MTX2: variants seen among roughly 807,000 people sequenced by gnomAD.
MTX2 encodes metaxin 2.
MTX2 carries 35 observed loss-of-function variants against 42.3 expected under a neutral mutation model. The observed-to-expected ratio is 0.83, with a 90% CI of 0.63 to 1.10. The LOEUF (loss-of-function observed/expected upper bound fraction) is 1.10, where lower values mean the gene tolerates loss of function less well. Among genes scored for constraint, MTX2 ranks in the 50% least tolerant of loss-of-function variants. The probability of loss-of-function intolerance (pLI) is 0.00; values close to 1 mark genes in which losing one functional copy is unlikely to be tolerated. For synonymous variants in MTX2, 119 were observed against 100.9 expected (o/e 1.18, Z -1.08); for missense variants, 307 against 304.1 (o/e 1.01, Z -0.07).
At chr2:176,329,975 G>A (rs1018187587) in intron 8 of MTX2, among the ~76,000 whole-genome samples, 4 of 150,590 alleles carry the variant, frequency 2.7e-5, no homozygotes, top group African/African-American at 9.7e-5. Context: ...TACTTATCTT[G>A]TCCACAAGCA....
chr2:176,309,249 C>T (rs1386400021), intron 3 of MTX2, among the ~76,000 whole-genome samples: 1 of 152,296 alleles, frequency 6.6e-6, no homozygotes. Flanking sequence ...GCACTGTGGT[C>T]TGAGAGACAG....
At chr2:176,303,995 A>G (rs1347407388) in intron 3 of MTX2, among the ~76,000 whole-genome samples, 1 of 152,048 alleles carries the variant, frequency 6.6e-6, no homozygotes, top group Admixed American at 6.6e-5. Flanking sequence ...CCATAAAGAT[A>G]CAGTAGTAAG....
chr2:176,329,788 G>A (rs1389059601), intron 8 of MTX2, among the ~76,000 whole-genome samples: 1 of 133,006 alleles, frequency 7.5e-6, no homozygotes. Flanking sequence ...TTTTTTAATT[G>A]AACAATACAT....
In MTX2 at chr2:176,292,675, A is replaced by G. The variant is rs544186346; in HGVS notation, c.41-4185A>G. 8.5e-5 allele frequency among the ~76,000 whole-genome samples: 13 copies of G among 152,316 alleles called. No homozygotes were observed. The South Asian group carries it at 2.1e-3, about 24-fold the overall frequency. On this transcript the variant is annotated intron_variant, in intron 1 of 9. Coordinates refer to ENST00000249442, the MANE Select transcript of MTX2 (RefSeq NM_006554.5). ...ACCTGCGTGATTGATTTGTAGATCC[A>G]TTGCCCAGTTTAGGATTTTCACTTT...
In MTX2 at chr2:176,316,127, A is replaced by G. The variant is rs142916404; in HGVS notation, c.136-7265A>G. 2.6e-3 allele frequency among the ~76,000 whole-genome samples: 393 copies of G among 152,240 alleles called. 3 individuals are homozygous for G. The highest frequency in any genetic ancestry group is 8.7e-3 in the African/African-American group (361 of 41,540). On this transcript the variant is annotated intron_variant, in intron 3 of 9. Coordinates refer to ENST00000249442, the MANE Select transcript of MTX2 (RefSeq NM_006554.5). ...GTTGAATTTATTTTTGTAGGTCCTC[A>G]AAGTTATGTCTTTCTGGCAAGTTAG...
chr2:176,315,546 CTG>C (rs1684414950), intron 3 of MTX2, among the ~76,000 whole-genome samples: 1 of 152,156 alleles, frequency 6.6e-6, no homozygotes, highest in Non-Finnish European at 1.5e-5. Flanking sequence ...AGTCTAATCT[CTG>C]TGTAGTTGTT....
chr2:176,288,714 ACTG>A (rs1693262406), intron 1 of MTX2, among the ~76,000 whole-genome samples: 1 of 151,708 alleles, frequency 6.6e-6, no homozygotes, highest in Non-Finnish European at 1.5e-5. Context: ...ATATGACAGA[ACTG>A]AAGCAGCATG....
chr2:176,330,524 A>G, intron 8 of MTX2, 60 bp from the exon 9 acceptor site: 1 of 1,222,198 alleles, frequency 8.2e-7, no homozygotes, highest in South Asian at 1.7e-5. Context: ...TACGTTTTAG[A>G]TACTTTTTAT....
chr2:176,324,909 A>G (rs1414667078), intron 4 of MTX2, among the ~76,000 whole-genome samples: 1 of 151,684 alleles, frequency 6.6e-6, no homozygotes, highest in Non-Finnish European at 1.5e-5. Context: ...TTGAGGTGAT[A>G]GGGAAATGTT....
At chr2:176,317,051 AC>A (rs869042309) in intron 3 of MTX2, among the ~76,000 whole-genome samples, 37 of 151,434 alleles carry the variant, frequency 2.4e-4, no homozygotes, top group African/African-American at 7.8e-4. Context: ...AAAAAAAAAA[AC>A]AAAAACTTTT....
intron 1 of MTX2, among the ~76,000 whole-genome samples, chr2:176,275,331 C>T (rs1692922126): frequency 1.3e-5 from 2 of 151,938 alleles, no homozygotes; most frequent in Admixed American, 6.6e-5. Context: ...CTCCACCTCC[C>T]AGGTTCAAGT....
At chr2:176,321,353 A>C (rs1684579339) in intron 3 of MTX2, among the ~76,000 whole-genome samples, 1 of 152,150 alleles carries the variant, frequency 6.6e-6, no homozygotes, top group African/African-American at 2.4e-5. Flanking sequence ...GTTAGTTTCC[A>C]CTTAAATAGA....
chr2:176,272,192 A>C (rs1417933146), intron 1 of MTX2, among the ~76,000 whole-genome samples: 1 of 152,176 alleles, frequency 6.6e-6, no homozygotes. Context: ...GGGGAAATCT[A>C]AGAAAGTTGA....
intron 1 of MTX2, among the ~76,000 whole-genome samples, chr2:176,295,328 C>G (rs552752054): frequency 6.6e-6 from 1 of 152,184 alleles, no homozygotes; most frequent in Non-Finnish European, 1.5e-5. Flanking sequence ...GGTGTGCTGA[C>G]CATACAATTT....
At chr2:176,313,008 T>C (rs979030485) in intron 3 of MTX2, among the ~76,000 whole-genome samples, 6 of 151,896 alleles carry the variant, frequency 4.0e-5, no homozygotes, top group African/African-American at 1.4e-4. Context: ...TAAATTATAG[T>C]ACATAATAAT....
intron 3 of MTX2, among the ~76,000 whole-genome samples, chr2:176,309,347 G>T (rs1237101963): frequency 1.3e-5 from 2 of 152,208 alleles, no homozygotes; most frequent in Non-Finnish European, 1.5e-5. Context: ...GCAATGTGTT[G>T]CTGAGAAGAA....
At chr2:176,291,714 G>A (rs1693332135) in intron 1 of MTX2, among the ~76,000 whole-genome samples, 1 of 152,090 alleles carries the variant, frequency 6.6e-6, no homozygotes, top group African/African-American at 2.4e-5. Context: ...CCTTCCAAGT[G>A]CAGACCTTAT....
chr2:176,316,919 T>C (rs1347113819), intron 3 of MTX2, among the ~76,000 whole-genome samples: 1 of 152,054 alleles, frequency 6.6e-6, no homozygotes, highest in Admixed American at 6.6e-5. Flanking sequence ...TCAAAGGATA[T>C]GTATGTATAG....
At chr2:176,325,647 T>C (rs1684690167) in intron 4 of MTX2, among the ~76,000 whole-genome samples, 1 of 151,734 alleles carries the variant, frequency 6.6e-6, no homozygotes, top group Non-Finnish European at 1.5e-5. Context: ...TACTAAATAG[T>C]TTTCATTCTC....
Sources: gnomAD v4.1 joint callset for allele counts (sites outside exome capture counted in the v4.1 genomes callset) on GRCh38, gnomAD v4.1.1 for gene constraint, MANE v1.5 for transcripts, NCBI Gene and HGNC (gene_info 2026-07-23, HGNC 2026-07-21) for gene names.